Variants in GABRA3 observed in about 807,000 individuals in gnomAD.
GABRA3 encodes gamma-aminobutyric acid receptor subunit alpha-3.
A neutral mutation model predicts 30.1 loss-of-function variants in GABRA3; 10 were observed. That is an observed-to-expected ratio of 0.33 (90% CI 0.20 to 0.56). The LOEUF (loss-of-function observed/expected upper bound fraction) is 0.56. Among genes scored for constraint, GABRA3 ranks in the 20% least tolerant of loss-of-function variants. The pLI, the probability that GABRA3 is intolerant of heterozygous loss-of-function variation, is 0.89. For missense variants in GABRA3, 233 were observed against 392.0 expected (o/e 0.59, Z 3.42); for synonymous variants, 151 against 146.8 (o/e 1.03, Z -0.21).
At chrX:152,215,104 C>G (rs1361988938) in intron 6 of GABRA3, among the ~76,000 whole-genome samples, 1 of 107,794 alleles carries the variant, frequency 9.3e-6, no homozygotes, top group Non-Finnish European at 1.9e-5. Flanking sequence ...TTGACTTCCT[C>G]CTTTCCAATT....
intron 4 of GABRA3, among the ~76,000 whole-genome samples, chrX:152,257,400 A>G (rs989289158): frequency 2.7e-5 from 3 of 112,418 alleles, no homozygotes; most frequent in African/African-American, 9.7e-5. Flanking sequence ...CCAGGTTAAA[A>G]GAAATGAAAG....
intron 9 of GABRA3, among the ~76,000 whole-genome samples, chrX:152,185,215 A>C (rs1937236436): frequency 1.8e-5 from 2 of 111,423 alleles, no homozygotes; most frequent in East Asian, 2.8e-4. Flanking sequence ...GTAGCGGTGC[A>C]GACAAAGCAG....
intron 7 of GABRA3, among the ~76,000 whole-genome samples, chrX:152,207,084 G>GTTT (rs1937556117): frequency 2.7e-5 from 3 of 111,634 alleles, no homozygotes; most frequent in Non-Finnish European, 5.6e-5. Context: ...CATTTCAAAT[G>GTTT]TTGATTTTTT....
chrX:152,437,154 C>T (rs779310561), intron 1 of GABRA3, among the ~76,000 whole-genome samples: 1 of 111,284 alleles, frequency 9.0e-6, no homozygotes, highest in South Asian at 3.7e-4. Flanking sequence ...TACGCACTCA[C>T]GGGAAAGACT....
At chrX:152,199,315 A>G (rs5925131) in intron 7 of GABRA3, among the ~76,000 whole-genome samples, 27,968 of 100,599 alleles carry the variant, frequency 0.28, 4,958 homozygotes, top group Non-Finnish European at 0.42. Context: ...GCAGTGAGCC[A>G]AGGTCGTGCC....
rs1277880086 is a variant in GABRA3 at position 152,168,471 on chromosome X, T to A, written c.1236A>T (p.Glu412Asp). 8.3e-7 allele frequency: 1 copy of A among 1,209,418 alleles called. No homozygotes were observed. Among genetic ancestry groups the A allele is most frequent in the African/African-American group, 1.8e-5 (1 of 57,074 alleles). ...CAGCGCCCTTGGAGATGGTGGAAAA[T>A]TCAGTGTCCTTGGCCAGGTTGATGG... ...TYPINLAKDTEFSTISKGAAP... is the reference protein window; with the variant it reads ...TYPINLAKDTDFSTISKGAAP... The change falls in exon 10 of 10, where the codon GAA becomes GAT. Residue 412 changes from glutamate to aspartate, a missense_variant. Physicochemically the swap from Glu to Asp is conservative, Grantham distance 45 (BLOSUM62 2). Transcript: ENST00000370314.
At position 152,167,356 on chromosome X, in the gene GABRA3, G is replaced by T. The variant is rs202146349; in HGVS notation, c.*872C>A. On this transcript the variant is annotated 3_prime_UTR_variant, in exon 10 of 10. Transcript: ENST00000370314. ...TATCTCTCCCATATTTTAAAAAAATGTTTTTTTTAAATCTAGATCACTTTG... is the reference window on the plus strand; with the variant it reads ...TATCTCTCCCATATTTTAAAAAAATTTTTTTTTTAAATCTAGATCACTTTG... The T allele has an allele frequency of 1.8e-5, 2 of 111,543 alleles. No individual in the cohort carries two copies. Among genetic ancestry groups the T allele is most frequent in the Non-Finnish European group, 3.8e-5 (2 of 53,015 alleles). The allele number at this position is 111,543 out of a possible 1,213,427, so 9.2% of individuals were successfully genotyped here.
intron 4 of GABRA3, among the ~76,000 whole-genome samples, chrX:152,266,763 T>A (rs1603229196): frequency 9.0e-6 from 1 of 110,766 alleles, no homozygotes; most frequent in African/African-American, 3.3e-5. Context: ...GAAAAAAAAA[T>A]ATTTTTTTAT....
At chrX:152,334,565 TC>T (rs1256856690) in intron 3 of GABRA3, among the ~76,000 whole-genome samples, 3 of 111,452 alleles carry the variant, frequency 2.7e-5, no homozygotes, top group Non-Finnish European at 5.6e-5. Flanking sequence ...TCATTATTTT[TC>T]CTTTCTGTGA....
intron 3 of GABRA3, among the ~76,000 whole-genome samples, chrX:152,329,990 C>G (rs1940135753): frequency 9.0e-6 from 1 of 111,651 alleles, no homozygotes; most frequent in African/African-American, 3.3e-5. Flanking sequence ...GGAACTTAAA[C>G]AAATTTACAA....
intron 4 of GABRA3, among the ~76,000 whole-genome samples, chrX:152,276,627 C>A (rs1939090491): frequency 9.0e-6 from 1 of 111,606 alleles, no homozygotes; most frequent in Admixed American, 9.6e-5. Context: ...TGCACATTAA[C>A]AAGAGAATGG....
intron 2 of GABRA3, among the ~76,000 whole-genome samples, chrX:152,362,047 A>C (rs1246926479): frequency 9.0e-6 from 1 of 111,378 alleles, no homozygotes; most frequent in African/African-American, 3.3e-5. Flanking sequence ...CCATTTTGGA[A>C]GAAAGAACAA....
chrX:152,448,415 G>C (rs1301455268), intron 1 of GABRA3, among the ~76,000 whole-genome samples: 1 of 111,920 alleles, frequency 8.9e-6, no homozygotes, highest in African/African-American at 3.3e-5. Flanking sequence ...AGAGTTGAAA[G>C]ACCCTCAGAG....
At chrX:152,437,252 G>T (rs1264425503) in intron 1 of GABRA3, among the ~76,000 whole-genome samples, 1 of 111,766 alleles carries the variant, frequency 8.9e-6, no homozygotes, top group Non-Finnish European at 1.9e-5. Context: ...AATGTAAAAT[G>T]CACTATTTAT....
chrX:152,418,034 GAAGAAAAAA>G (rs1182628844), intron 1 of GABRA3, among the ~76,000 whole-genome samples: 3 of 106,158 alleles, frequency 2.8e-5, no homozygotes, highest in Non-Finnish European at 3.9e-5. Context: ...ATAAAAAAAA[GAAGAAAAAA>G]AAGAAAAAAA....
chrX:152,264,484 T>A (rs1938787050), intron 4 of GABRA3, among the ~76,000 whole-genome samples: 1 of 110,822 alleles, frequency 9.0e-6, no homozygotes, highest in Non-Finnish European at 1.9e-5. Context: ...CCAAAAACCA[T>A]ACAATGGATA....
chrX:152,272,997 T>A (rs76243167), intron 4 of GABRA3, among the ~76,000 whole-genome samples: 11,651 of 111,179 alleles, frequency 0.1, 489 homozygotes, highest in South Asian at 0.12. Flanking sequence ...TCTTGGGCAG[T>A]TCTTTATAGC....
intron 3 of GABRA3, among the ~76,000 whole-genome samples, chrX:152,336,507 T>A (rs1940236995): frequency 8.9e-6 from 1 of 112,288 alleles, no homozygotes; most frequent in Admixed American, 9.5e-5. Context: ...TTTAAATGTA[T>A]AATTTGTCAA....
At chrX:152,426,777 A>G (rs1218391407) in intron 1 of GABRA3, among the ~76,000 whole-genome samples, 1 of 112,241 alleles carries the variant, frequency 8.9e-6, no homozygotes, top group Non-Finnish European at 1.9e-5. Context: ...AAGAGCAAAT[A>G]TATCTCTAAC....
Sources: allele counts gnomAD v4.1 joint callset (sites outside exome capture counted in the v4.1 genomes callset), GRCh38; gene constraint gnomAD v4.1.1; transcripts MANE v1.5; gene names NCBI Gene and HGNC (gene_info 2026-07-23, HGNC 2026-07-21).